Variants in TEK observed in about 807,000 individuals in gnomAD.
TEK encodes the protein angiopoietin-1 receptor.
TEK carries 43 observed loss-of-function variants against 131.8 expected under a neutral mutation model. The ratio of observed to expected loss-of-function variants is 0.33; its 90% CI spans 0.26 to 0.42. The LOEUF (loss-of-function observed/expected upper bound fraction) is 0.42. Among genes scored for constraint, TEK ranks in the 10% least tolerant of loss-of-function variants. TEK has a pLI of 1.00. For missense variants in TEK, 1,162 were observed against 1,384.4 expected (o/e 0.84, Z 2.55); for synonymous variants, 580 against 491.6 (o/e 1.18, Z -2.38).
chr9:27,122,666 A>G (rs1024756831), intron 1 of TEK, among the ~76,000 whole-genome samples: 2 of 152,048 alleles, frequency 1.3e-5, no homozygotes, highest in African/African-American at 4.8e-5. Flanking sequence ...AGGTCTGGGA[A>G]CCTACATCGA....
At chr9:27,222,208 G>A (rs1224642710) in intron 21 of TEK, among the ~76,000 whole-genome samples, 1 of 152,122 alleles carries the variant, frequency 6.6e-6, no homozygotes, top group African/African-American at 2.4e-5. Context: ...AATGAACAAA[G>A]CCTCCAAGAA....
chr9:27,181,734 G>A (rs1564080921), intron 7 of TEK, among the ~76,000 whole-genome samples: 2 of 152,284 alleles, frequency 1.3e-5, no homozygotes, highest in African/African-American at 4.8e-5. Context: ...TCTCTTTACA[G>A]AAAATGTTTG....
rs200827916 is a variant in TEK, at chr9:27,180,386, T to C, written c.1030+18T>C. On this transcript the variant is annotated intron_variant, in intron 7 of 22. Transcript: ENST00000380036. ...GAGAGAAGGTAAAGCAAGGTAACAC[T>C]GTAGTCAGGGCCATGTTCAGCATGT... The C allele has an allele frequency of 1.4e-5, 23 of 1,609,712 alleles. No individual in the cohort carries two copies. Among genetic ancestry groups the C allele is most frequent in the Admixed American group, 5.1e-5 (3 of 59,318 alleles).
At chr9:27,223,917 G>A (rs1826193257) in intron 21 of TEK, among the ~76,000 whole-genome samples, 1 of 152,178 alleles carries the variant, frequency 6.6e-6, no homozygotes, top group South Asian at 2.1e-4. Flanking sequence ...CAACAAAAAT[G>A]ATAAAGGGGA....
intron 22 of TEK, 94 bp from the exon 23 acceptor site, chr9:27,229,064 A>C: frequency 9.0e-7 from 1 of 1,112,158 alleles, no homozygotes; most frequent in Non-Finnish European, 1.4e-6. Context: ...TATGAGTTGC[A>C]ACAAACTAAG....
At chr9:27,130,331 G>C (rs999303900) in intron 1 of TEK, among the ~76,000 whole-genome samples, 8 of 152,056 alleles carry the variant, frequency 5.3e-5, no homozygotes, top group Admixed American at 1.3e-4. Flanking sequence ...TGGAAAAAAG[G>C]GTTGTTTAAA....
At chr9:27,134,368 C>A (rs2131068040) in intron 1 of TEK, among the ~76,000 whole-genome samples, 1 of 152,308 alleles carries the variant, frequency 6.6e-6, no homozygotes, top group East Asian at 1.9e-4. Context: ...ACAGTTATTT[C>A]CTTCTAAATT....
chr9:27,165,221 A>G (rs1823685537), intron 2 of TEK, among the ~76,000 whole-genome samples: 1 of 152,226 alleles, frequency 6.6e-6, no homozygotes, highest in African/African-American at 2.4e-5. Context: ...TTCCTTTCAG[A>G]ACACAATACT....
chr9:27,183,298 A>G (rs1255265760), intron 7 of TEK, among the ~76,000 whole-genome samples, 161 bp from the exon 8 acceptor site: 1 of 152,190 alleles, frequency 6.6e-6, no homozygotes, highest in Non-Finnish European at 1.5e-5. Context: ...GGAGACCACA[A>G]TATCATCCAC....
intron 1 of TEK, among the ~76,000 whole-genome samples, chr9:27,154,331 C>G (rs985952335): frequency 1.3e-5 from 2 of 152,206 alleles, no homozygotes; most frequent in Non-Finnish European, 2.9e-5. Context: ...AGGTGATCCG[C>G]CTGCCTCAAT....
chr9:27,156,549 A>T (rs1823339001), intron 1 of TEK, among the ~76,000 whole-genome samples: 1 of 152,136 alleles, frequency 6.6e-6, no homozygotes, highest in Admixed American at 6.5e-5. Context: ...CAGAAGGAAC[A>T]GCAAAGGCTT....
Position 27,192,559 on chromosome 9 carries a change from C to T in TEK, c.1560C>T (p.Val520=). 6.2e-7 allele frequency: 1 copy of T among 1,613,920 alleles called. No individual in the cohort carries two copies. The highest frequency in any genetic ancestry group is 8.5e-7 in the Non-Finnish European group (1 of 1,179,914). Reference sequence around the variant, plus strand: ...AATATGAACTCTGTGTGCAACTGGTCCGTCGTGGAGAGGGTGGGGAAGGGC... The same window carrying T: ...AATATGAACTCTGTGTGCAACTGGTTCGTCGTGGAGAGGGTGGGGAAGGGC... The part of the protein sequence containing the change: ...RTEYELCVQL[V]RRGEGGEGHP... The change falls in exon 11 of 23, where the codon GTC becomes GTT. Residue 520 remains valine, a synonymous_variant. Coordinates refer to ENST00000380036, the MANE Select transcript of TEK (RefSeq NM_000459.5).
At chr9:27,220,891 T>C (rs1826039932) in intron 21 of TEK, among the ~76,000 whole-genome samples, 1 of 152,204 alleles carries the variant, frequency 6.6e-6, no homozygotes, top group Non-Finnish European at 1.5e-5. Context: ...AGGAGTTTCT[T>C]TTCATACCCC....
At chr9:27,131,726 G>C (rs1822232282) in intron 1 of TEK, among the ~76,000 whole-genome samples, 1 of 151,202 alleles carries the variant, frequency 6.6e-6, no homozygotes, top group Non-Finnish European at 1.5e-5. Flanking sequence ...CAGGTCTCTT[G>C]AGCCCTGGAT....
chr9:27,221,509 G>A (rs932015579), intron 21 of TEK, among the ~76,000 whole-genome samples: 11 of 152,056 alleles, frequency 7.2e-5, no homozygotes, highest in African/African-American at 2.2e-4. Context: ...GGGTCGACAG[G>A]ACATCTTATA....
chr9:27,214,170 T>TAC (rs1248166202), intron 18 of TEK, among the ~76,000 whole-genome samples: 1 of 152,182 alleles, frequency 6.6e-6, no homozygotes, highest in African/African-American at 2.4e-5. Context: ...AACCTAACCA[T>TAC]ACAGTCTTAG....
In TEK at chr9:27,218,837, T is replaced by C. The variant is rs367944177; in HGVS notation, c.3103+20T>C. Reference sequence around the variant, plus strand: ...GCTTAGGTGAGTATCTATGTTTATCTACCAGGTGAGACTCTAGGCAAAGTG... The same window carrying C: ...GCTTAGGTGAGTATCTATGTTTATCCACCAGGTGAGACTCTAGGCAAAGTG... On this transcript the variant is annotated intron_variant, in intron 20 of 22. Coordinates refer to ENST00000380036, the MANE Select transcript of TEK (RefSeq NM_000459.5). The C allele has an allele frequency of 1.2e-5, 19 of 1,612,976 alleles. No homozygotes were observed. The highest frequency in any genetic ancestry group is 4.4e-5 in the South Asian group (4 of 91,066).
At position 27,197,483 on chromosome 9, in the gene TEK, C is replaced by T; in HGVS notation, c.1793C>T (p.Thr598Ile). 6.2e-7 allele frequency: 1 copy of T among 1,614,052 alleles called. No individual in the cohort carries two copies. Among genetic ancestry groups the T allele is most frequent in the Non-Finnish European group, 8.5e-7 (1 of 1,179,986 alleles). Residue 598 changes from threonine (T) to isoleucine (I), a missense_variant, in exon 12 of 23, where the codon ACT becomes ATT. By Grantham distance (89) the Thr-to-Ile change is moderately conservative. Coordinates refer to ENST00000380036, the MANE Select transcript of TEK (RefSeq NM_000459.5). ...QQNIKVPGNL[T>I]SVLLNNLHPR... The stretch of plus-strand genomic sequence containing the variant: ...AATATTAAAGTTCCAGGCAACTTGA[C>T]TTCGGTGCTACTTAACAACTTACAT...
intron 1 of TEK, among the ~76,000 whole-genome samples, chr9:27,127,008 G>T (rs898010059): frequency 6.6e-6 from 1 of 152,148 alleles, no homozygotes; most frequent in Non-Finnish European, 1.5e-5. Flanking sequence ...AAGATCTGGG[G>T]TACATTTTGA....
Sources: gnomAD v4.1 joint callset for allele counts (sites outside exome capture counted in the v4.1 genomes callset) on GRCh38, gnomAD v4.1.1 for gene constraint, MANE v1.5 for transcripts, NCBI Gene and HGNC (gene_info 2026-07-23, HGNC 2026-07-21) for gene names.